GRM7: variants seen among roughly 807,000 people sequenced by gnomAD.
GRM7 encodes glutamate metabotropic receptor 7.
A neutral mutation model predicts 84.5 loss-of-function variants in GRM7; 35 were observed. The observed-to-expected ratio is 0.41, with a 90% confidence interval of 0.32 to 0.55. The LOEUF is 0.55. Among genes scored for constraint, GRM7 ranks in the 20% least tolerant of loss-of-function variants. GRM7 has a pLI of 0.19. For missense variants in GRM7, 1,003 were observed against 1,194.6 expected (o/e 0.84, Z 2.36); for synonymous variants, 487 against 455.1 (o/e 1.07, Z -0.89).
At chr3:7,025,674 T>A (rs1300328875) in intron 1 of GRM7, among the ~76,000 whole-genome samples, 1 of 152,180 alleles carries the variant, frequency 6.6e-6, no homozygotes, top group Non-Finnish European at 1.5e-5. Context: ...GTATTTTCCG[T>A]TGATAGCCTT....
At chr3:7,661,196 G>A (rs950357549) in intron 8 of GRM7, among the ~76,000 whole-genome samples, 6 of 152,178 alleles carry the variant, frequency 3.9e-5, no homozygotes, top group East Asian at 3.9e-4. Flanking sequence ...AATTTTTTGC[G>A]AAGCATGTGT....
intron 9 of GRM7, among the ~76,000 whole-genome samples, chr3:7,701,363 C>A (rs912560711): frequency 1.4e-5 from 2 of 146,274 alleles, no homozygotes; most frequent in African/African-American, 2.5e-5. Context: ...TGCAGTGGCA[C>A]GATCTCGGCT....
At chr3:7,561,638 G>C in intron 7 of GRM7, 1 of 450,780 alleles carries the variant, frequency 2.2e-6, no homozygotes, top group Non-Finnish European at 4.5e-6. Context: ...CAGCAGTCTT[G>C]GAAGATAATG....
At chr3:7,636,833 A>T (rs1432528087) in intron 8 of GRM7, among the ~76,000 whole-genome samples, 2 of 152,200 alleles carry the variant, frequency 1.3e-5, no homozygotes, top group African/African-American at 4.8e-5. Context: ...GCAAAATGAC[A>T]AGCCCCATCT....
At chr3:7,197,343 T>C (rs1366981612) in intron 2 of GRM7, among the ~76,000 whole-genome samples, 8 of 152,178 alleles carry the variant, frequency 5.3e-5, no homozygotes, top group Admixed American at 6.5e-5. Context: ...TTCTTTTCAA[T>C]ATTTAAAGAC....
At chr3:7,077,570 C>CG (rs1698134505) in intron 1 of GRM7, among the ~76,000 whole-genome samples, 1 of 5,322 alleles carries the variant, frequency 1.9e-4, no homozygotes, top group Non-Finnish European at 3.4e-4. Flanking sequence ...TGGGGCCTGT[C>CG]GGGGGGTGGG....
rs533223086 is a variant in GRM7, at chr3:7,149,836, T to C, written c.736+3168T>C. ...TAATACCCAACAATATCTGATTACA[T>C]TGAATCACAATGGCTCCCTATAAAT... On this transcript the variant is annotated intron_variant, in intron 2 of 9. Transcript: ENST00000357716. 2.6e-5 allele frequency among the ~76,000 whole-genome samples: 4 copies of C among 152,320 alleles called. No individual in the cohort carries two copies. The South Asian group carries it at 6.2e-4, about 24-fold the overall frequency.
intron 2 of GRM7, among the ~76,000 whole-genome samples, chr3:7,284,618 A>G (rs1166647754): frequency 6.6e-6 from 1 of 152,116 alleles, no homozygotes; most frequent in African/African-American, 2.4e-5. Flanking sequence ...GACTATTGTT[A>G]TATTTTGTTT....
chr3:6,964,797 T>C (rs1693450190), intron 1 of GRM7, among the ~76,000 whole-genome samples: 1 of 152,230 alleles, frequency 6.6e-6, no homozygotes, highest in Non-Finnish European at 1.5e-5. Context: ...TGTTCTTTTG[T>C]ACCAGCTGCC....
intron 8 of GRM7, among the ~76,000 whole-genome samples, chr3:7,579,569 G>A (rs1695143885): frequency 2.0e-5 from 3 of 152,122 alleles, no homozygotes; most frequent in Admixed American, 6.6e-5. Flanking sequence ...ACCAGATGTA[G>A]CCTTTTCAAA....
intron 1 of GRM7, among the ~76,000 whole-genome samples, chr3:7,052,720 G>GTCTTTTTTT (rs1697051763): frequency 9.8e-6 from 1 of 101,562 alleles, no homozygotes; most frequent in African/African-American, 4.5e-5. Context: ...AGTATCGGTA[G>GTCTTTTTTT]TTTTTTTTTT....
intron 1 of GRM7, among the ~76,000 whole-genome samples, chr3:7,003,030 G>T (rs1316777881): frequency 6.6e-6 from 1 of 152,116 alleles, no homozygotes; most frequent in Admixed American, 6.6e-5. Flanking sequence ...TGTTGAAGCT[G>T]AAAAAAGCAG....
chr3:6,934,886 G>A (rs1375501036), intron 1 of GRM7, among the ~76,000 whole-genome samples: 1 of 152,162 alleles, frequency 6.6e-6, no homozygotes, highest in Non-Finnish European at 1.5e-5. Context: ...GAAGATGACA[G>A]TCTTCCCCCA....
intron 1 of GRM7, among the ~76,000 whole-genome samples, chr3:6,951,221 A>G (rs1692747089): frequency 6.6e-6 from 1 of 152,004 alleles, no homozygotes; most frequent in South Asian, 2.1e-4. Context: ...AATGTTATTA[A>G]TTTTTCAAAG....
At chr3:7,650,752 C>T (rs1477003955) in intron 8 of GRM7, among the ~76,000 whole-genome samples, 1 of 152,180 alleles carries the variant, frequency 6.6e-6, no homozygotes, top group Non-Finnish European at 1.5e-5. Context: ...GAGTCTCCCT[C>T]TGTTGCCCAG....
intron 2 of GRM7, among the ~76,000 whole-genome samples, chr3:7,285,936 T>A (rs995209039): frequency 6.6e-6 from 1 of 152,192 alleles, no homozygotes; most frequent in Non-Finnish European, 1.5e-5. Context: ...TAGCAGATAA[T>A]GTGGGTTGAG....
In GRM7 at chr3:7,536,054, G is replaced by A. The variant is rs142119924; in HGVS notation, c.1516-42368G>A. On this transcript the variant is annotated intron_variant, in intron 7 of 9. Transcript: ENST00000357716. The stretch of plus-strand genomic sequence containing the variant: ...GGGCTTCTTGGGAGACAGCATACAA[G>A]AATGGTAGGCATATGTTTGTAAGTC... Among the ~76,000 whole-genome samples, 3 of 152,294 alleles carry A rather than the reference G, an allele frequency of 2.0e-5. No individual in the cohort carries two copies. In the East Asian group the frequency reaches 5.8e-4, roughly 29 times the overall value.
At chr3:7,109,298 A>G (rs1056492644) in intron 1 of GRM7, among the ~76,000 whole-genome samples, 59 of 152,260 alleles carry the variant, frequency 3.9e-4, no homozygotes, top group African/African-American at 1.3e-3. Context: ...TAAGTATAAA[A>G]AGAGTCAGAA....
At chr3:6,873,539 T>C (rs1386207207) in intron 1 of GRM7, among the ~76,000 whole-genome samples, 1 of 152,216 alleles carries the variant, frequency 6.6e-6, no homozygotes, top group Non-Finnish European at 1.5e-5. Flanking sequence ...ATGTTAACAA[T>C]AGATCCGTCT....
Sources: allele counts gnomAD v4.1 joint callset (sites outside exome capture counted in the v4.1 genomes callset), GRCh38; gene constraint gnomAD v4.1.1; transcripts MANE v1.5; gene names NCBI Gene and HGNC (gene_info 2026-07-23, HGNC 2026-07-21).